Variants in GRIN3A observed in about 807,000 individuals in gnomAD.
GRIN3A encodes the protein glutamate receptor ionotropic, NMDA 3A.
A neutral mutation model predicts 92.4 loss-of-function variants in GRIN3A; 47 were observed. That is an observed-to-expected ratio of 0.51 (90% CI 0.40 to 0.65). GRIN3A has a LOEUF of 0.65. GRIN3A is among the 30% of genes least tolerant of loss of function. The probability of loss-of-function intolerance (pLI) is 0.00; values close to 1 mark genes in which losing one functional copy is unlikely to be tolerated. For missense variants in GRIN3A, 1,324 were observed against 1,393.1 expected, an observed-to-expected ratio of 0.95 and a Z score of 0.79; for synonymous variants, 527 against 540.6, an observed-to-expected ratio of 0.97 and a Z score of 0.35.
chr9:101,598,716 C>T (rs1828173268), intron 6 of GRIN3A, among the ~76,000 whole-genome samples: 1 of 152,188 alleles, frequency 6.6e-6, no homozygotes, highest in Non-Finnish European at 1.5e-5. Context: ...CTGCCCTGGA[C>T]ACCTAAGTGT....
chr9:101,641,960 T>C (rs538702833), intron 3 of GRIN3A, among the ~76,000 whole-genome samples: 51 of 152,216 alleles, frequency 3.4e-4, no homozygotes, highest in African/African-American at 1.2e-3. Context: ...GCAGTATTCA[T>C]TTAAAAAGTA....
chr9:101,624,340 CATTAGGT>C (rs1428239747), intron 4 of GRIN3A, among the ~76,000 whole-genome samples: 2 of 151,478 alleles, frequency 1.3e-5, no homozygotes, highest in South Asian at 4.2e-4. Context: ...CGTCATTTAG[CATTAGGT>C]ATATCTCCTA....
At chr9:101,623,254 C>G in intron 5 of GRIN3A, 64 bp downstream of exon 5, 1 of 1,111,388 alleles carries the variant, frequency 9.0e-7, no homozygotes, top group Non-Finnish European at 1.4e-6. Flanking sequence ...GCATTTGTGA[C>G]TTTCTAGGTT....
At chr9:101,700,374 C>T (rs1371981890) in intron 1 of GRIN3A, among the ~76,000 whole-genome samples, 2 of 152,124 alleles carry the variant, frequency 1.3e-5, no homozygotes, top group Non-Finnish European at 2.9e-5. Context: ...TTATGATTTG[C>T]TTTCCCATAA....
At chr9:101,709,322 G>A (rs1457034992) in intron 1 of GRIN3A, among the ~76,000 whole-genome samples, 2 of 152,178 alleles carry the variant, frequency 1.3e-5, no homozygotes, top group African/African-American at 4.8e-5. Context: ...GTTTCAAGGT[G>A]CTAAGGGGGT....
intron 1 of GRIN3A, among the ~76,000 whole-genome samples, chr9:101,702,343 A>G (rs1829766352): frequency 1.3e-5 from 2 of 152,008 alleles, no homozygotes. Context: ...ACATTTTCTT[A>G]TCCAATCAGG....
At chr9:101,617,205 T>TAAA (rs61141843) in intron 5 of GRIN3A, among the ~76,000 whole-genome samples, 34 of 107,092 alleles carry the variant, frequency 3.2e-4, no homozygotes, top group Non-Finnish European at 4.8e-4. Flanking sequence ...AGACTCCGTC[T>TAAA]AAAAAAAAAA....
intron 3 of GRIN3A, among the ~76,000 whole-genome samples, chr9:101,644,475 A>C (rs1173685183): frequency 1.3e-5 from 2 of 151,738 alleles, no homozygotes; most frequent in Non-Finnish European, 2.9e-5. Context: ...AAAAAAAAAA[A>C]AAACACAGTG....
At position 101,571,448 on chromosome 9, in the gene GRIN3A, A is replaced by G. The variant is rs910702863; in HGVS notation, c.*1726T>C. 1 of 152,190 alleles carries G rather than the reference A, an allele frequency of 6.6e-6. No individual in the cohort carries two copies. The highest frequency in any genetic ancestry group is 1.5e-5 in the Non-Finnish European group (1 of 68,058). The allele number at this position is 152,190 out of a possible 1,614,324, so 9.4% of individuals were successfully genotyped here. On this transcript the variant is annotated 3_prime_UTR_variant, in exon 9 of 9. Coordinates refer to ENST00000361820, the MANE Select transcript of GRIN3A (RefSeq NM_133445.3). ...CTTTCCAGTGATCTCCAGCTGTAAA[A>G]GAGGAAAGTGCTTGGCACAGCTCCT...
At chr9:101,587,127 T>C (rs912333107) in intron 6 of GRIN3A, among the ~76,000 whole-genome samples, 1 of 152,066 alleles carries the variant, frequency 6.6e-6, no homozygotes, top group Non-Finnish European at 1.5e-5. Flanking sequence ...CTGATCAACA[T>C]GGTGAAACCC....
At chr9:101,705,772 T>C (rs376583030) in intron 1 of GRIN3A, among the ~76,000 whole-genome samples, 43 of 152,330 alleles carry the variant, frequency 2.8e-4, no homozygotes, top group African/African-American at 9.4e-4. Flanking sequence ...CTAACATTTA[T>C]TGGATGCATG....
At chr9:101,734,181 C>CT (rs2119048618) in intron 1 of GRIN3A, among the ~76,000 whole-genome samples, 1 of 152,138 alleles carries the variant, frequency 6.6e-6, no homozygotes, top group African/African-American at 2.4e-5. Flanking sequence ...TACACAAAAC[C>CT]TGTAGAAGAA....
intron 1 of GRIN3A, among the ~76,000 whole-genome samples, chr9:101,702,220 T>G (rs375580495): frequency 2.0e-5 from 3 of 152,106 alleles, no homozygotes; most frequent in East Asian, 3.9e-4. Context: ...GAGAATTGCT[T>G]GAACCTGGGA....
chr9:101,652,304 A>C (rs551161411), intron 3 of GRIN3A, among the ~76,000 whole-genome samples: 1 of 151,990 alleles, frequency 6.6e-6, no homozygotes. Context: ...GCAAATGTTT[A>C]TCAAGTGCCA....
chr9:101,630,036 T>C (rs1246020083), intron 3 of GRIN3A, among the ~76,000 whole-genome samples: 1 of 152,222 alleles, frequency 6.6e-6, no homozygotes, highest in African/African-American at 2.4e-5. Context: ...GCTGTTCTCA[T>C]AGTAGCAAAT....
At chr9:101,628,697 A>G (rs973305705) in intron 3 of GRIN3A, among the ~76,000 whole-genome samples, 2 of 152,214 alleles carry the variant, frequency 1.3e-5, no homozygotes, top group African/African-American at 4.8e-5. Context: ...GGCATGTAGA[A>G]TTAGTCTCAT....
intron 1 of GRIN3A, among the ~76,000 whole-genome samples, chr9:101,719,981 G>T (rs1358359586): frequency 6.6e-6 from 1 of 152,092 alleles, no homozygotes; most frequent in Non-Finnish European, 1.5e-5. Flanking sequence ...GAACAGCCGA[G>T]CACCCTGGGT....
Position 101,670,270 on chromosome 9 carries a change from G to A in GRIN3A, c.2142C>T (p.Phe714=). Reference sequence around the variant, plus strand: ...AGATGTTCAAGGCTGAAGAAAAGGAGAAGACTTTACTTCTATTTCGCCCCT... The same window carrying A: ...AGATGTTCAAGGCTGAAGAAAAGGAAAAGACTTTACTTCTATTTCGCCCCT... ...TPKGRNRSKV[F]SFSSALNICY... The change falls in exon 3 of 9, where the codon TTC becomes TTT. Residue 714 remains phenylalanine, a synonymous_variant. Coordinates refer to ENST00000361820, the MANE Select transcript of GRIN3A (RefSeq NM_133445.3). 1 of 1,613,994 alleles carries A rather than the reference G, an allele frequency of 6.2e-7. No homozygotes were observed. Among genetic ancestry groups the A allele is most frequent in the South Asian group, 1.1e-5 (1 of 91,078 alleles).
At chr9:101,622,539 A>G (rs544698471) in intron 5 of GRIN3A, among the ~76,000 whole-genome samples, 2 of 152,312 alleles carry the variant, frequency 1.3e-5, no homozygotes, top group Non-Finnish European at 2.9e-5. Flanking sequence ...GGGAGATCAC[A>G]TTAGAAGGAA....
Sources: allele counts gnomAD v4.1 joint callset (sites outside exome capture counted in the v4.1 genomes callset), GRCh38; gene constraint gnomAD v4.1.1; transcripts MANE v1.5; gene names NCBI Gene and HGNC (gene_info 2026-07-23, HGNC 2026-07-21).